Variants in SSH2 observed in about 807,000 individuals in gnomAD.
SSH2 encodes slingshot protein phosphatase 2, also known as protein phosphatase Slingshot homolog 2.
SSH2 carries 37 observed loss-of-function variants against 135.2 expected under a neutral mutation model. That is an observed-to-expected ratio of 0.27 (90% CI 0.21 to 0.36). The LOEUF is 0.36. SSH2 is among the 10% of genes least tolerant of loss of function. The pLI is 1.00. For synonymous variants in SSH2, 628 were observed against 646.2 expected, an observed-to-expected ratio of 0.97 and a Z score of 0.43; for missense variants, 1,408 against 1,765.3, an observed-to-expected ratio of 0.80 and a Z score of 3.63.
chr17:29,832,770 G>A (rs527948194), intron 2 of SSH2, among the ~76,000 whole-genome samples: 3 of 152,214 alleles, frequency 2.0e-5, no homozygotes, highest in East Asian at 3.9e-4. Context: ...AGGTTCAAGC[G>A]ATCCTTGTGC....
At chr17:29,861,994 G>A (rs2065773794) in intron 1 of SSH2, among the ~76,000 whole-genome samples, 2 of 152,228 alleles carry the variant, frequency 1.3e-5, no homozygotes, top group Admixed American at 1.3e-4. Flanking sequence ...TGCACATAAA[G>A]AGGATCGCAA....
intron 8 of SSH2, 35 bp downstream of exon 8, chr17:29,676,785 A>G: frequency 6.5e-7 from 1 of 1,542,084 alleles, no homozygotes. Flanking sequence ...AATAACATTA[A>G]AACACTTTTG....
chr17:29,705,791 T>C (rs1411592023), intron 3 of SSH2, among the ~76,000 whole-genome samples: 1 of 152,238 alleles, frequency 6.6e-6, no homozygotes. Flanking sequence ...ATACTTTTCT[T>C]GTGGCCTATC....
At chr17:29,731,412 GTATTTTT>G (rs1258528420) in intron 3 of SSH2, among the ~76,000 whole-genome samples, 6 of 144,004 alleles carry the variant, frequency 4.2e-5, no homozygotes, top group East Asian at 4.0e-4. Flanking sequence ...CATAGCAGAA[GTATTTTT>G]TATTTATTTA....
Position 29,631,129 on chromosome 17 carries a change from T to C in SSH2, c.4065A>G (p.Thr1355=), listed in dbSNP as rs751941767. 2 of 1,614,218 alleles carry C rather than the reference T, an allele frequency of 1.2e-6. No homozygotes were observed. Among genetic ancestry groups the C allele is most frequent in the Non-Finnish European group, 8.5e-7 (1 of 1,180,036 alleles). Residue 1355 remains threonine (T), a synonymous_variant, in exon 16 of 16, where the codon ACA becomes ACG. Coordinates refer to ENST00000540801, the MANE Select transcript of SSH2 (RefSeq NM_001282129.2). ...TGCTCTGCACAATACACTCTGTTGT[T>C]GTGAGTTGTTCTACAAAAGACTTGG... ...EPTKSFVEQL[T]TTECIVQSKP...
chr17:29,682,075 A>G (rs966096470), intron 6 of SSH2, among the ~76,000 whole-genome samples: 10 of 152,248 alleles, frequency 6.6e-5, no homozygotes, highest in African/African-American at 2.2e-4. Flanking sequence ...CATTGGCAAA[A>G]GATAGATGTA....
chr17:29,916,561 A>C (rs2066885805), intron 1 of SSH2, among the ~76,000 whole-genome samples: 1 of 151,718 alleles, frequency 6.6e-6, no homozygotes, highest in African/African-American at 2.4e-5. Context: ...CCCAGGCTCA[A>C]GTGATACTCG....
intron 12 of SSH2, among the ~76,000 whole-genome samples, 178 bp downstream of exon 12, chr17:29,655,383 G>A (rs1378420750): frequency 3.3e-5 from 5 of 152,158 alleles, no homozygotes; most frequent in African/African-American, 9.7e-5. Flanking sequence ...GATTATAGGC[G>A]TGAGTCACCG....
intron 1 of SSH2, among the ~76,000 whole-genome samples, chr17:29,911,592 A>G (rs1356824867): frequency 6.6e-6 from 1 of 152,152 alleles, no homozygotes; most frequent in Non-Finnish European, 1.5e-5. Context: ...CTCTGCACTT[A>G]ATTACTATGC....
At position 29,631,488 on chromosome 17, in the gene SSH2, C is replaced by T. The variant is rs200166314; in HGVS notation, c.3706G>A (p.Ala1236Thr). The change falls in exon 16 of 16, where the codon GCC (alanine) becomes ACC (threonine). Residue 1236 changes from alanine to threonine, a missense_variant. By Grantham distance (58) the Ala-to-Thr change is moderately conservative (BLOSUM62 0). Transcript: ENST00000540801. ...LQEKMDPLPV[A>T]CRLPHSSSSE... ...CTAGAGCTATGTGGGAGTCGACAGG[C>T]TACAGGCAATGGGTCCATTTTCTCC... 3.7e-6 allele frequency: 6 copies of T among 1,614,174 alleles called. No homozygotes were observed. The East Asian group carries it at 1.3e-4, about 36-fold the overall frequency.
chr17:29,716,039 C>T (rs1160043331), intron 3 of SSH2, among the ~76,000 whole-genome samples: 1 of 152,182 alleles, frequency 6.6e-6, no homozygotes, highest in Non-Finnish European at 1.5e-5. Flanking sequence ...AGTGTGATTT[C>T]TCTCAATTAC....
At chr17:29,650,633 T>C (rs767495323) in intron 13 of SSH2, 21 bp downstream of exon 13, 1 of 1,595,726 alleles carries the variant, frequency 6.3e-7, no homozygotes, top group Non-Finnish European at 8.5e-7. Flanking sequence ...GATCACAACA[T>C]TGTGCAGGAC....
intron 1 of SSH2, among the ~76,000 whole-genome samples, chr17:29,883,316 T>A (rs914793037): frequency 3.3e-5 from 5 of 152,260 alleles, no homozygotes; most frequent in African/African-American, 7.2e-5. Flanking sequence ...CCAAATCCTA[T>A]GTTAGGTGTC....
At chr17:29,916,169 A>C (rs1295995342) in intron 1 of SSH2, among the ~76,000 whole-genome samples, 2 of 152,182 alleles carry the variant, frequency 1.3e-5, no homozygotes, top group Non-Finnish European at 2.9e-5. Flanking sequence ...AAAATTGCTT[A>C]ATAACCAAAT....
intron 8 of SSH2, among the ~76,000 whole-genome samples, chr17:29,672,543 T>C (rs2037537829): frequency 6.6e-6 from 1 of 152,232 alleles, no homozygotes; most frequent in Admixed American, 6.5e-5. Flanking sequence ...TTTTCTGTAA[T>C]TCTTAACAGG....
At chr17:29,886,864 TG>T (rs1203547099) in intron 1 of SSH2, among the ~76,000 whole-genome samples, 15 of 152,110 alleles carry the variant, frequency 9.9e-5, no homozygotes, top group Admixed American at 9.8e-4. Context: ...AACAAGGGGC[TG>T]AATGTTAATC....
chr17:29,826,322 A>ATTT (rs1431942460), intron 2 of SSH2, among the ~76,000 whole-genome samples: 1 of 152,196 alleles, frequency 6.6e-6, no homozygotes, highest in Non-Finnish European at 1.5e-5. Context: ...AACCACTTAT[A>ATTT]TTTTGTTTGC....
intron 1 of SSH2, among the ~76,000 whole-genome samples, chr17:29,899,267 A>C (rs983728615): frequency 7.9e-5 from 12 of 152,072 alleles, no homozygotes; most frequent in Non-Finnish European, 1.8e-4. Flanking sequence ...TAGTGTTGGA[A>C]GTTCTGGCCA....
rs757117545 is a variant in SSH2, at chr17:29,648,171, T to C, written c.1400A>G (p.Glu467Gly). Residue 467 changes from glutamate (E) to glycine (G), a missense_variant, in exon 14 of 16, where the codon GAA (glutamate) becomes GGA (glycine). By Grantham distance (98) the Glu-to-Gly change is moderately conservative. Coordinates refer to ENST00000540801, the MANE Select transcript of SSH2 (RefSeq NM_001282129.2). The stretch of plus-strand genomic sequence containing the variant: ...TGCCAGCAAGATCCCCTGATACTCT[T>C]CCAGTTGTCTCATGAAGCTTGGGTT... ...KPNPSFMRQL[E>G]EYQGILLASK... 8.1e-6 allele frequency: 13 copies of C among 1,614,056 alleles called. No individual in the cohort carries two copies. The highest frequency in any genetic ancestry group is 1.1e-5 in the Non-Finnish European group (13 of 1,180,038).
Sources: allele counts gnomAD v4.1 joint callset (sites outside exome capture counted in the v4.1 genomes callset), GRCh38; gene constraint gnomAD v4.1.1; transcripts MANE v1.5; gene names NCBI Gene and HGNC (gene_info 2026-07-23, HGNC 2026-07-21).